Variants in EYS observed in about 807,000 individuals in gnomAD.
EYS encodes EGF-like photoreceptor maintenance factor, also known as protein eyes shut homolog.
In EYS, 250 loss-of-function variants were observed where a neutral mutation model predicts 282.1. The observed-to-expected ratio is 0.89, with a 90% CI of 0.80 to 0.98. EYS has a LOEUF of 0.98. Ranked by LOEUF, EYS falls within the 50% of genes least tolerant of loss-of-function variation. The pLI is 0.00. For missense variants in EYS, 4,016 were observed against 3,709.0 expected (o/e 1.08, Z -2.15); for synonymous variants, 1,355 against 1,282.9 (o/e 1.06, Z -1.20).
At chr6:65,434,322 ATTTTTT>A (rs369477528) in intron 5 of EYS, among the ~76,000 whole-genome samples, 8 of 144,602 alleles carry the variant, frequency 5.5e-5, no homozygotes, top group Admixed American at 5.5e-4. Context: ...GGTTTGCATA[ATTTTTT>A]TTTTTTTTTT....
intron 12 of EYS, among the ~76,000 whole-genome samples, chr6:65,236,684 C>A (rs1398634496): frequency 6.6e-6 from 1 of 151,998 alleles, no homozygotes; most frequent in African/African-American, 2.4e-5. Flanking sequence ...CTTATAACAC[C>A]TTTATGGTAC....
chr6:63,936,257 A>G (rs1274194606), intron 35 of EYS, among the ~76,000 whole-genome samples: 2 of 152,200 alleles, frequency 1.3e-5, no homozygotes, highest in Non-Finnish European at 2.9e-5. Context: ...TTGCTGGCGG[A>G]TAGGTATCCT....
At chr6:65,137,496 A>G in intron 12 of EYS, among the ~76,000 whole-genome samples, 1 of 152,088 alleles carries the variant, frequency 6.6e-6, no homozygotes, top group Middle Eastern at 3.2e-3. Context: ...TAAGCCAGAG[A>G]TGGAATGGAG....
chr6:65,653,422 C>T (rs1233523986), intron 1 of EYS, among the ~76,000 whole-genome samples: 1 of 151,896 alleles, frequency 6.6e-6, no homozygotes, highest in Non-Finnish European at 1.5e-5. Flanking sequence ...AACAAGTTTG[C>T]CTAGCACAAG....
At chr6:65,531,960 C>T (rs1767786078) in intron 2 of EYS, among the ~76,000 whole-genome samples, 1 of 152,122 alleles carries the variant, frequency 6.6e-6, no homozygotes, top group East Asian at 1.9e-4. Flanking sequence ...TTTGTTAACT[C>T]TGTGTAAGTT....
chr6:65,513,485 C>A (rs1292875494), intron 2 of EYS, among the ~76,000 whole-genome samples: 18 of 151,736 alleles, frequency 1.2e-4, no homozygotes, highest in Admixed American at 1.0e-3. Context: ...GAGACACAAC[C>A]AAAAAAGAGA....
intron 22 of EYS, among the ~76,000 whole-genome samples, chr6:64,752,427 G>T (rs577870138): frequency 3.3e-5 from 5 of 152,156 alleles, no homozygotes; most frequent in Admixed American, 6.5e-5. Flanking sequence ...CTTGAAGACA[G>T]ATATTTTGAA....
In EYS at chr6:63,984,547, C is replaced by T. The variant is rs1297093544; in HGVS notation, c.6891G>A (p.Lys2297=). Residue 2297 remains lysine, a synonymous_variant, in exon 35 of 43, where the codon AAG becomes AAA. Transcript: ENST00000503581. ...GHIPANVQIH[K]KAGPVYGFRG... Reference sequence around the variant, plus strand: ...TGAACCCATAAACAGGACCTGCTTTCTTATGAATTTGAACATTTGCAGGAA... The same window carrying T: ...TGAACCCATAAACAGGACCTGCTTTTTTATGAATTTGAACATTTGCAGGAA... 5.5e-5 allele frequency: 85 copies of T among 1,549,450 alleles called. No individual in the cohort carries two copies. Among genetic ancestry groups the T allele is most frequent in the Non-Finnish European group, 6.9e-5 (79 of 1,145,550 alleles).
intron 12 of EYS, among the ~76,000 whole-genome samples, chr6:65,222,774 A>T: frequency 6.6e-6 from 1 of 152,222 alleles, no homozygotes; most frequent in Admixed American, 6.5e-5. Context: ...AAAAATCTGA[A>T]TTAGATACAT....
intron 14 of EYS, among the ~76,000 whole-genome samples, chr6:64,957,198 T>TA (rs1413730032): frequency 6.6e-6 from 1 of 152,122 alleles, no homozygotes; most frequent in Non-Finnish European, 1.5e-5. Flanking sequence ...ATAAATGGAT[T>TA]AAAAAAATGC....
intron 24 of EYS, among the ~76,000 whole-genome samples, chr6:64,602,521 T>C (rs1766795055): frequency 6.6e-6 from 1 of 152,038 alleles, no homozygotes; most frequent in African/African-American, 2.4e-5. Flanking sequence ...AGATGACAGA[T>C]GAAATGGAAG....
At chr6:63,799,252 G>A (rs375333941) in intron 37 of EYS, among the ~76,000 whole-genome samples, 2 of 151,658 alleles carry the variant, frequency 1.3e-5, no homozygotes, top group Non-Finnish European at 2.9e-5. Flanking sequence ...GACCTCGGGT[G>A]ATCCACCCGC....
intron 35 of EYS, among the ~76,000 whole-genome samples, chr6:63,931,479 A>T (rs1364510566): frequency 6.6e-6 from 1 of 151,728 alleles, no homozygotes. Flanking sequence ...CTCCCTTCTG[A>T]CTCTAGGCAA....
At chr6:65,207,995 A>G (rs1352707900) in intron 12 of EYS, among the ~76,000 whole-genome samples, 2 of 151,856 alleles carry the variant, frequency 1.3e-5, no homozygotes, top group African/African-American at 4.8e-5. Context: ...CAAATGCAAC[A>G]TAAACAAAAA....
chr6:65,471,536 A>G (rs951548942), intron 5 of EYS, among the ~76,000 whole-genome samples: 1 of 152,234 alleles, frequency 6.6e-6, no homozygotes, highest in Non-Finnish European at 1.5e-5. Flanking sequence ...CTTGCTTAGC[A>G]TATCACAACC....
intron 1 of EYS, among the ~76,000 whole-genome samples, chr6:65,664,693 A>G (rs1768140050): frequency 6.6e-6 from 1 of 152,122 alleles, no homozygotes. Flanking sequence ...GAAGTTATTC[A>G]TTTTTAATAT....
chr6:64,526,419 T>A (rs1447091227), intron 26 of EYS, among the ~76,000 whole-genome samples: 1 of 151,844 alleles, frequency 6.6e-6, no homozygotes, highest in Non-Finnish European at 1.5e-5. Flanking sequence ...TAAAAAAGTT[T>A]AATTTAAAAC....
At chr6:65,254,751 T>C (rs1259516776) in intron 12 of EYS, among the ~76,000 whole-genome samples, 1 of 151,862 alleles carries the variant, frequency 6.6e-6, no homozygotes, top group African/African-American at 2.4e-5. Flanking sequence ...TAATGTTTCT[T>C]CTAATATTTA....
intron 35 of EYS, among the ~76,000 whole-genome samples, chr6:63,904,483 G>A (rs1490370567): frequency 6.6e-6 from 1 of 152,194 alleles, no homozygotes; most frequent in Non-Finnish European, 1.5e-5. Flanking sequence ...CTCAACCTGG[G>A]AAAGCAGTGT....
Sources: allele counts gnomAD v4.1 joint callset (sites outside exome capture counted in the v4.1 genomes callset), GRCh38; gene constraint gnomAD v4.1.1; transcripts MANE v1.5; gene names NCBI Gene and HGNC (gene_info 2026-07-23, HGNC 2026-07-21).